Variants in PRKAR2A observed in about 807,000 individuals in gnomAD.
PRKAR2A encodes the protein protein kinase cAMP-dependent type II regulatory subunit alpha, also known as cAMP-dependent protein kinase type II-alpha regulatory subunit.
Under a neutral mutation model 51.9 loss-of-function variants are expected in PRKAR2A, and 29 were observed. The observed-to-expected ratio is 0.56, with a 90% confidence interval of 0.42 to 0.76. The LOEUF is 0.76. PRKAR2A is among the 30% of genes least tolerant of loss of function. The pLI, the probability that PRKAR2A is intolerant of heterozygous loss-of-function variation, is 0.00. For missense variants in PRKAR2A, 445 were observed against 512.1 expected (o/e 0.87, Z 1.26); for synonymous variants, 178 against 186.2 (o/e 0.96, Z 0.36).
At chr3:48,763,833 A>G (rs1368372854) in intron 8 of PRKAR2A, among the ~76,000 whole-genome samples, 1 of 152,200 alleles carries the variant, frequency 6.6e-6, no homozygotes, top group African/African-American at 2.4e-5. Context: ...ATCTTAATAA[A>G]TGTTTATAGA....
chr3:48,745,474 A>G (rs1028490429), downstream of PRKAR2A, among the ~76,000 whole-genome samples: 2 of 149,190 alleles, frequency 1.3e-5, no homozygotes, highest in Non-Finnish European at 3.0e-5. Context: ...GTGTGCCCAG[A>G]TATTTGATCC....
chr3:48,788,786 T>C (rs2082335790), intron 4 of PRKAR2A, among the ~76,000 whole-genome samples: 1 of 152,120 alleles, frequency 6.6e-6, no homozygotes, highest in Non-Finnish European at 1.5e-5. Context: ...TGCTGGCACC[T>C]TGAGCTTGGA....
intron 1 of PRKAR2A, among the ~76,000 whole-genome samples, chr3:48,826,167 G>C (rs1338118595): frequency 6.6e-6 from 1 of 152,164 alleles, no homozygotes; most frequent in African/African-American, 2.4e-5. Flanking sequence ...TAGGGAGGCT[G>C]AGGTAGGAGG....
chr3:48,794,820 A>G (rs1251477112), intron 2 of PRKAR2A, among the ~76,000 whole-genome samples: 1 of 152,202 alleles, frequency 6.6e-6, no homozygotes, highest in African/African-American at 2.4e-5. Context: ...AGAGCTAAGA[A>G]TGGAGGGAAA....
chr3:48,832,971 TTA>T (rs903158471), intron 1 of PRKAR2A, among the ~76,000 whole-genome samples: 1 of 152,176 alleles, frequency 6.6e-6, no homozygotes, highest in African/African-American at 2.4e-5. Flanking sequence ...TGCCCACATA[TTA>T]TGAGTCTGTA....
At chr3:48,794,938 A>G (rs2082466041) in intron 2 of PRKAR2A, among the ~76,000 whole-genome samples, 1 of 152,148 alleles carries the variant, frequency 6.6e-6, no homozygotes, top group Non-Finnish European at 1.5e-5. Flanking sequence ...AAGAAACAGG[A>G]AAGAAGGGAT....
intron 1 of PRKAR2A, among the ~76,000 whole-genome samples, chr3:48,825,650 A>AAAATT (rs2083051842): frequency 6.6e-6 from 1 of 152,142 alleles, no homozygotes; most frequent in Non-Finnish European, 1.5e-5. Flanking sequence ...TCAAAATAAA[A>AAAATT]AAATTAAATT....
chr3:48,784,550 C>G (rs1205220035), intron 4 of PRKAR2A, among the ~76,000 whole-genome samples: 1 of 152,164 alleles, frequency 6.6e-6, no homozygotes, highest in Non-Finnish European at 1.5e-5. Flanking sequence ...ACATCTGTAC[C>G]TAGCCTGTGG....
chr3:48,799,130 T>A (rs1033018343), intron 2 of PRKAR2A, among the ~76,000 whole-genome samples: 3 of 152,200 alleles, frequency 2.0e-5, no homozygotes, highest in African/African-American at 7.2e-5. Context: ...GTTCTGCACA[T>A]CTGGCTGCTT....
rs568919933 is a variant in PRKAR2A, at chr3:48,816,638, A to T, written c.263-8954T>A. ...TGCGACAGAGAGAGACTCCATCTCAAAAAAAAGAAAAAATTTACTAACTGG... is the reference window on the plus strand; with the variant it reads ...TGCGACAGAGAGAGACTCCATCTCATAAAAAAGAAAAAATTTACTAACTGG... On this transcript the variant is annotated intron_variant, in intron 1 of 10. Coordinates refer to ENST00000265563, the MANE Select transcript of PRKAR2A (RefSeq NM_004157.4). 7.2e-5 allele frequency among the ~76,000 whole-genome samples: 11 copies of T among 152,220 alleles called. No homozygotes were observed. In the South Asian group the frequency reaches 2.3e-3, roughly 32 times the overall value.
chr3:48,789,580 TC>T (rs1362161332), intron 4 of PRKAR2A, among the ~76,000 whole-genome samples: 1 of 150,266 alleles, frequency 6.7e-6, no homozygotes, highest in Non-Finnish European at 1.5e-5. Flanking sequence ...AACTTCCGCC[TC>T]CTGGATTCAA....
chr3:48,748,985 G>A lies in PRKAR2A; in HGVS notation c.*2600C>T, dbSNP rs1451696983. Reference sequence around the variant, plus strand: ...AAAGAGGAATTACCAAGGTTGTGGTGGGTTATTTACTCTGGAAATATCTTG... The same window carrying A: ...AAAGAGGAATTACCAAGGTTGTGGTAGGTTATTTACTCTGGAAATATCTTG... On this transcript the variant is annotated 3_prime_UTR_variant, in exon 11 of 11. Coordinates refer to ENST00000265563, the MANE Select transcript of PRKAR2A (RefSeq NM_004157.4). The A allele has an allele frequency of 2.0e-5, 3 of 152,156 alleles. 1 individual carries two copies. The highest frequency in any genetic ancestry group is 2.9e-5 in the Non-Finnish European group (2 of 68,040). The allele number at this position is 152,156 out of a possible 1,614,324, so 9.4% of individuals were successfully genotyped here.
chr3:48,799,222 T>G (rs546185955), intron 2 of PRKAR2A, among the ~76,000 whole-genome samples: 1 of 152,168 alleles, frequency 6.6e-6, no homozygotes, highest in Non-Finnish European at 1.5e-5. Flanking sequence ...TTGTGTGTCA[T>G]GAAATACTCA....
chr3:48,830,556 A>C (rs1047986615), intron 1 of PRKAR2A, among the ~76,000 whole-genome samples: 10 of 152,306 alleles, frequency 6.6e-5, no homozygotes, highest in African/African-American at 2.4e-4. Context: ...AGTATCATGT[A>C]CTACAACAGT....
chr3:48,793,327 C>T (rs573904942), intron 3 of PRKAR2A, among the ~76,000 whole-genome samples: 1 of 152,046 alleles, frequency 6.6e-6, no homozygotes, highest in Admixed American at 6.5e-5. Context: ...CTATGATAAA[C>T]TCCATTTGTA....
chr3:48,764,915 G>T, intron 8 of PRKAR2A, 89 bp downstream of exon 8: 1 of 1,204,718 alleles, frequency 8.3e-7, no homozygotes, highest in Non-Finnish European at 1.2e-6. Context: ...GTGAGCCACT[G>T]CGTCCGGCAA....
chr3:48,783,302 G>C (rs370951963), intron 4 of PRKAR2A, among the ~76,000 whole-genome samples: 1 of 152,086 alleles, frequency 6.6e-6, no homozygotes, highest in Non-Finnish European at 1.5e-5. Flanking sequence ...AGTCTTCTGA[G>C]GCAGTATTGT....
intron 8 of PRKAR2A, among the ~76,000 whole-genome samples, chr3:48,756,963 AT>A (rs1249077324): frequency 6.6e-6 from 1 of 152,150 alleles, no homozygotes; most frequent in African/African-American, 2.4e-5. Flanking sequence ...ATATGAGTAA[AT>A]GCCACAGCTT....
At chr3:48,804,169 G>A (rs1559630877) in intron 2 of PRKAR2A, among the ~76,000 whole-genome samples, 2 of 151,986 alleles carry the variant, frequency 1.3e-5, no homozygotes, top group Admixed American at 6.6e-5. Context: ...AAATAAAAAG[G>A]GAAAAGTAAG....
Sources: gnomAD v4.1 joint callset for allele counts (sites outside exome capture counted in the v4.1 genomes callset) on GRCh38, gnomAD v4.1.1 for gene constraint, MANE v1.5 for transcripts, NCBI Gene and HGNC (gene_info 2026-07-23, HGNC 2026-07-21) for gene names.